Variants in GAK observed in about 807,000 individuals in gnomAD.
GAK encodes the protein cyclin-G-associated kinase.
GAK carries 79 observed loss-of-function variants against 143.9 expected under a neutral mutation model. The observed-to-expected ratio is 0.55, with a 90% CI of 0.46 to 0.66. The LOEUF (loss-of-function observed/expected upper bound fraction) is 0.66. GAK is among the 30% of genes least tolerant of loss of function. The pLI is 0.00. For synonymous variants in GAK, 881 were observed against 765.5 expected (o/e 1.15, Z -2.49); for missense variants, 1,693 against 1,779.7 (o/e 0.95, Z 0.88).
intron 9 of GAK, among the ~76,000 whole-genome samples, chr4:891,471 A>G (rs769807287): frequency 2.4e-4 from 37 of 151,982 alleles, no homozygotes; most frequent in Non-Finnish European, 5.0e-4. Context: ...TGGGGGCAGT[A>G]TTTTATTTCA....
At chr4:859,847 A>G (rs749300704) in intron 23 of GAK, 125 bp from the exon 24 acceptor site, 50 of 709,448 alleles carry the variant, frequency 7.0e-5, no homozygotes, top group Non-Finnish European at 1.1e-4. Context: ...TGGCACCTGC[A>G]TGGCTTGCGT....
intron 26 of GAK, chr4:850,280 G>T: frequency 4.3e-6 from 2 of 464,350 alleles, no homozygotes; most frequent in East Asian, 6.4e-5. Flanking sequence ...ATGTTTCAGG[G>T]CCTGGGGCCA....
intron 1 of GAK, among the ~76,000 whole-genome samples, chr4:923,766 A>G (rs1560445407): frequency 6.6e-6 from 1 of 152,228 alleles, no homozygotes; most frequent in East Asian, 1.9e-4. Context: ...TCCCTGAGGC[A>G]GCCTGGCCTG....
intron 1 of GAK, among the ~76,000 whole-genome samples, chr4:921,747 G>A (rs928218534): frequency 5.3e-5 from 8 of 151,456 alleles, no homozygotes; most frequent in Admixed American, 2.0e-4. Flanking sequence ...TTTAGGGGAC[G>A]AAAGGACAAG....
intron 1 of GAK, among the ~76,000 whole-genome samples, chr4:920,130 G>C (rs977198284): frequency 1.3e-5 from 2 of 151,968 alleles, no homozygotes; most frequent in Non-Finnish European, 2.9e-5. Context: ...AACGCAGTGA[G>C]ACCCCGTCTC....
Position 884,277 on chromosome 4 carries a change from C to T in GAK, c.1206-191G>A. 3.0e-5 allele frequency: 17 copies of T among 572,834 alleles called. 1 individual carries two copies. The South Asian group carries it at 3.6e-4, about 12-fold the overall frequency. The allele number at this position is 572,834 out of a possible 1,614,324, so 35.5% of individuals were successfully genotyped here. A position where few individuals can be genotyped will look rare whatever the true frequency, so the allele number is the denominator to read the frequency against. ...GCTGTGTGCGTGCTGTGGAGCTGAC[C>T]CCTACATCAGAAACGGATGGAAATG... is the stretch of plus-strand genomic sequence containing the variant. On this transcript the variant is annotated intron_variant, in intron 11 of 27. Coordinates refer to ENST00000314167, the MANE Select transcript of GAK (RefSeq NM_005255.4).
chr4:886,073 C>T (rs1461975919), intron 11 of GAK: 1 of 152,304 alleles, frequency 6.6e-6, no homozygotes, highest in Non-Finnish European at 1.5e-5. Context: ...TCTTTTGAGC[C>T]TCCAGGCCCA....
chr4:926,099 A>C (rs1372721631), intron 1 of GAK, among the ~76,000 whole-genome samples: 3 of 149,020 alleles, frequency 2.0e-5, no homozygotes, highest in South Asian at 2.1e-4. Context: ...CGTCTAATTC[A>C]CCCCAGGGGG....
At chr4:893,536 G>T (rs1384436313) in intron 8 of GAK, 47 bp from the exon 9 acceptor site, 2 of 1,379,640 alleles carry the variant, frequency 1.4e-6, no homozygotes, top group Non-Finnish European at 1.9e-6. Flanking sequence ...CCCCAGGCGG[G>T]TCAGCACCCC....
In GAK at chr4:890,624, T is replaced by C; in HGVS notation, c.991-2A>G. 6.2e-7 allele frequency: 1 copy of C among 1,608,598 alleles called. No individual in the cohort carries two copies. The highest frequency in any genetic ancestry group is 2.2e-5 in the East Asian group (1 of 44,674). ...GTAGCCTCCATTCTGCTCCAGGAGC[T>C]GTGACAATGAAAATGCAGAGGTCAG... On this transcript the variant is annotated splice_acceptor_variant, in intron 9 of 27. Coordinates refer to ENST00000314167, the MANE Select transcript of GAK (RefSeq NM_005255.4). LOFTEE classifies it high-confidence loss of function.
At chr4:914,641 C>G (rs1405116248) in intron 1 of GAK, among the ~76,000 whole-genome samples, 2 of 105,870 alleles carry the variant, frequency 1.9e-5, no homozygotes, top group Non-Finnish European at 1.9e-5. Flanking sequence ...TCAGCCCTAG[C>G]GTGCACGGCC....
In GAK at chr4:876,683, C is replaced by T. The variant is rs1713959889; in HGVS notation, c.1975-74G>A. Reference sequence around the variant, plus strand: ...CCTGGGGCCACAGGCCAATTTTTCCCAATGGGCGAGATCTGAGAGCGGCTC... The same window carrying T: ...CCTGGGGCCACAGGCCAATTTTTCCTAATGGGCGAGATCTGAGAGCGGCTC... On this transcript the variant is annotated intron_variant, in intron 17 of 27. Coordinates refer to ENST00000314167, the MANE Select transcript of GAK (RefSeq NM_005255.4). The T allele has an allele frequency of 7.6e-6, 10 of 1,320,978 alleles. No individual in the cohort carries two copies. The Admixed American group carries it at 1.7e-4, about 22-fold the overall frequency. 81.8% of individuals were successfully genotyped at this position (1,320,978 alleles called of 1,614,324 possible). A position where few individuals can be genotyped will look rare whatever the true frequency, so the allele number is the denominator to read the frequency against.
intron 25 of GAK, 36 bp downstream of exon 25, chr4:851,714 T>C (rs1002845993): frequency 7.5e-6 from 12 of 1,598,854 alleles, no homozygotes; most frequent in African/African-American, 1.3e-5. Context: ...GGGAGGTCTC[T>C]GCAAACTCCA....
rs1718807320 is a variant in GAK at position 896,535 on chromosome 4, T to C, written c.666A>G (p.Thr222=). Residue 222 remains threonine (T), a synonymous_variant, in exon 7 of 28, where the codon ACA becomes ACG. Coordinates refer to ENST00000314167, the MANE Select transcript of GAK (RefSeq NM_005255.4). ...TTTCTGGTGTTCTATACATTGGTGT[T>C]GTATTCCTCGTGATCTGAAAAAATA... is the stretch of plus-strand genomic sequence containing the variant. The part of the protein sequence containing the change: ...ALVEEEITRN[T]TPMYRTPEII... The C allele has an allele frequency of 1.2e-6, 2 of 1,612,680 alleles. No homozygotes were observed. Among genetic ancestry groups the C allele is most frequent in the South Asian group, 1.1e-5 (1 of 91,064 alleles).
chr4:883,240 C>A (rs1160906745), intron 13 of GAK, 75 bp downstream of exon 13: 1 of 1,546,990 alleles, frequency 6.5e-7, no homozygotes, highest in Non-Finnish European at 8.8e-7. Context: ...CTGGCCAAAG[C>A]CCTCAGCTAT....
At chr4:907,058 C>T (rs951831127) in intron 4 of GAK, among the ~76,000 whole-genome samples, 4 of 152,268 alleles carry the variant, frequency 2.6e-5, no homozygotes, top group Admixed American at 2.6e-4. Context: ...TCTGGCGAGT[C>T]ACTGAGCCCC....
intron 1 of GAK, among the ~76,000 whole-genome samples, chr4:930,115 C>G (rs976126931): frequency 1.3e-5 from 2 of 152,210 alleles, no homozygotes; most frequent in Non-Finnish European, 2.9e-5. Flanking sequence ...CATGTTTACA[C>G]AAGACAGCCT....
intron 5 of GAK, among the ~76,000 whole-genome samples, chr4:901,668 G>A (rs1719895677): frequency 6.6e-6 from 1 of 152,186 alleles, no homozygotes; most frequent in African/African-American, 2.4e-5. Flanking sequence ...GGCGGGTGCT[G>A]GGAGCAGGAT....
intron 19 of GAK, 155 bp from the exon 20 acceptor site, chr4:868,840 C>A: frequency 1.4e-6 from 1 of 718,538 alleles, no homozygotes; most frequent in Admixed American, 2.9e-5. Flanking sequence ...GGGAGGGGCT[C>A]TCTGAACAGA....
Sources: gnomAD v4.1 joint callset for allele counts (sites outside exome capture counted in the v4.1 genomes callset) on GRCh38, gnomAD v4.1.1 for gene constraint, MANE v1.5 for transcripts, NCBI Gene and HGNC (gene_info 2026-07-23, HGNC 2026-07-21) for gene names.